The following LINS1 variants were observed in gnomAD, a reference collection of about 807,000 sequenced individuals.
The protein encoded by LINS1 is protein Lines homolog 1.
LINS1 carries 27 observed loss-of-function variants against 41.6 expected under a neutral mutation model. The observed-to-expected ratio is 0.65, with a 90% CI of 0.48 to 0.89. LINS1 has a LOEUF of 0.89. Among genes scored for constraint, LINS1 ranks in the 40% least tolerant of loss-of-function variants. The pLI, the probability that LINS1 is intolerant of heterozygous loss-of-function variation, is 0.00. For missense variants in LINS1, 955 were observed against 884.1 expected, an observed-to-expected ratio of 1.08 and a Z score of -1.02; for synonymous variants, 336 against 312.9, an observed-to-expected ratio of 1.07 and a Z score of -0.78.
chr15:100,570,131 T>C lies in LINS1; in HGVS notation c.1395-14A>G, dbSNP rs2037742519. ...GCTTCACATCCTCTGAAAATGAAGA[T>C]AATGGAGAATGCAGATTAATGACCT... is the stretch of plus-strand genomic sequence containing the variant. On this transcript the variant is annotated splice_polypyrimidine_tract_variant and intron_variant, in intron 6 of 6. Transcript: ENST00000314742. The C allele has an allele frequency of 1.3e-6, 2 of 1,577,760 alleles. No individual in the cohort carries two copies. The highest frequency in any genetic ancestry group is 2.2e-5 in the East Asian group (1 of 44,752).
chr15:100,575,044 A>G lies in LINS1; in HGVS notation c.574T>C (p.Trp192Arg). 3 of 1,613,050 alleles carry G rather than the reference A, an allele frequency of 1.9e-6. No homozygotes were observed. The highest frequency in any genetic ancestry group is 2.5e-6 in the Non-Finnish European group (3 of 1,179,548). ...SESNKAIYCL[W>R]TLTAIIKEIF... Reference sequence around the variant, plus strand: ...TCTTTTATTATTGCTGTAAGAGTCCAGAGGCAGTATATTGCTTTATTACTC... The same window carrying G: ...TCTTTTATTATTGCTGTAAGAGTCCGGAGGCAGTATATTGCTTTATTACTC... The change falls in exon 4 of 7, where the codon TGG becomes CGG. Residue 192 changes from tryptophan to arginine, a missense_variant. Physicochemically the swap from Trp to Arg is moderately radical, Grantham distance 101. Coordinates refer to ENST00000314742, the MANE Select transcript of LINS1 (RefSeq NM_001040616.3).
intron 5 of LINS1, 46 bp from the exon 6 acceptor site, chr15:100,572,111 G>C: frequency 6.2e-7 from 1 of 1,608,532 alleles, no homozygotes; most frequent in Non-Finnish European, 8.5e-7. Flanking sequence ...GTTTATGAAT[G>C]AATGAATATC....
chr15:100,588,128 G>A (rs2038889362), intron 1 of LINS1, among the ~76,000 whole-genome samples: 1 of 152,196 alleles, frequency 6.6e-6, no homozygotes, highest in African/African-American at 2.4e-5. Context: ...TAGTGAATCT[G>A]GTGTGCTCTG....
Position 100,580,612 on chromosome 15 carries a change from C to A in LINS1, c.231G>T (p.Lys77Asn). The A allele has an allele frequency of 6.2e-7, 1 of 1,613,980 alleles. No individual in the cohort carries two copies. The highest frequency in any genetic ancestry group is 8.5e-7 in the Non-Finnish European group (1 of 1,179,952). Residue 77 changes from lysine (K) to asparagine (N), a missense_variant, in exon 2 of 7, where the codon AAG becomes AAT. By Grantham distance (94) the Lys-to-Asn change is moderately conservative. Coordinates refer to ENST00000314742, the MANE Select transcript of LINS1 (RefSeq NM_001040616.3). ...TGGAACCGCTCATCTGAGAGTTGGT[C>A]TTCAAACACACAGGTGCTACAGCAA... ...APIAVAPVCL[K>N]TNSQMSGSRE...
chr15:100,574,641 G>A (rs2038050077), intron 4 of LINS1, among the ~76,000 whole-genome samples: 1 of 152,206 alleles, frequency 6.6e-6, no homozygotes, highest in African/African-American at 2.4e-5. Context: ...TCGCAAGGCA[G>A]GGGTTGCAGT....
intron 1 of LINS1, among the ~76,000 whole-genome samples, chr15:100,600,248 A>C (rs1363724095): frequency 6.6e-6 from 1 of 152,180 alleles, no homozygotes; most frequent in African/African-American, 2.4e-5. Flanking sequence ...GGTCATTTCA[A>C]AGTTAAACTT....
At chr15:100,581,613 G>A (rs537966215) in intron 1 of LINS1, among the ~76,000 whole-genome samples, 6 of 152,208 alleles carry the variant, frequency 3.9e-5, no homozygotes, top group Non-Finnish European at 8.8e-5. Context: ...AAAAACTTAG[G>A]ACTTTGGCAT....
In LINS1 at chr15:100,569,617, G is replaced by A. The variant is rs1157058256; in HGVS notation, c.1895C>T (p.Ser632Phe). 5 of 1,613,240 alleles carry A rather than the reference G, an allele frequency of 3.1e-6. No individual in the cohort carries two copies. The highest frequency in any genetic ancestry group is 4.2e-6 in the Non-Finnish European group (5 of 1,179,408). Residue 632 changes from serine (S) to phenylalanine (F), a missense_variant, in exon 7 of 7, where the codon TCT becomes TTT. Physicochemically the swap from Ser to Phe is radical, Grantham distance 155 (BLOSUM62 -2). Transcript: ENST00000314742. ...ASQSLVDYDS[S>F]DDSDVESTEQ... Reference sequence around the variant, plus strand: ...TGTGGATTCCACGTCAGAATCGTCAGAGCTGTCGTAATCTACCAGACTTTG... The same window carrying A: ...TGTGGATTCCACGTCAGAATCGTCAAAGCTGTCGTAATCTACCAGACTTTG...
At chr15:100,595,374 T>C (rs985732791) in intron 1 of LINS1, among the ~76,000 whole-genome samples, 2 of 151,176 alleles carry the variant, frequency 1.3e-5, no homozygotes, top group East Asian at 3.9e-4. Flanking sequence ...GGATCAGACA[T>C]GCACAGACAT....
chr15:100,581,525 A>G (rs887396071), intron 1 of LINS1, among the ~76,000 whole-genome samples: 4 of 152,252 alleles, frequency 2.6e-5, no homozygotes, highest in African/African-American at 7.2e-5. Flanking sequence ...GATTATGGCT[A>G]TTGCCAATGA....
Position 100,574,251 on chromosome 15 carries a change from T to A in LINS1, c.632-10A>T, listed in dbSNP as rs752944051. The A allele has an allele frequency of 7.9e-6, 12 of 1,515,932 alleles. No individual in the cohort carries two copies. Among genetic ancestry groups the A allele is most frequent in the Non-Finnish European group, 1.0e-5 (11 of 1,091,124 alleles). 93.9% of individuals were successfully genotyped at this position (1,515,932 alleles called of 1,614,324 possible). A position where few individuals can be genotyped will look rare whatever the true frequency, so the allele number is the denominator to read the frequency against. On this transcript the variant is annotated splice_polypyrimidine_tract_variant and intron_variant, in intron 4 of 6. Coordinates refer to ENST00000314742, the MANE Select transcript of LINS1 (RefSeq NM_001040616.3). ...AACTGCTTTAGAATTTCTGCAATTA[T>A]AAAAATAGGAATTATAAACAGGAAA...
intron 1 of LINS1, among the ~76,000 whole-genome samples, chr15:100,588,420 G>A (rs2038902701): frequency 6.6e-6 from 1 of 152,198 alleles, no homozygotes. Flanking sequence ...TTAATAATAA[G>A]AGCTTAAATC....
chr15:100,578,946 A>G (rs1051601826), intron 3 of LINS1, among the ~76,000 whole-genome samples: 1 of 152,022 alleles, frequency 6.6e-6, no homozygotes, highest in Non-Finnish European at 1.5e-5. Context: ...AACACCGCAT[A>G]TTCTCACTCA....
intron 1 of LINS1, among the ~76,000 whole-genome samples, chr15:100,587,159 A>G (rs2038841031): frequency 1.8e-5 from 1 of 54,948 alleles, no homozygotes; most frequent in Admixed American, 2.3e-4. Flanking sequence ...CTCTGTCTTA[A>G]AAAAAAAAAA....
At chr15:100,583,839 C>A (rs2038679043) in intron 1 of LINS1, among the ~76,000 whole-genome samples, 1 of 152,186 alleles carries the variant, frequency 6.6e-6, no homozygotes, top group Non-Finnish European at 1.5e-5. Flanking sequence ...AGAAATTAGT[C>A]TTCATGTTCC....
chr15:100,580,241 A>C, intron 3 of LINS1, 22 bp downstream of exon 3: 1 of 1,503,360 alleles, frequency 6.7e-7, no homozygotes, highest in Non-Finnish European at 9.2e-7. Context: ...AAATAATAAC[A>C]TACTTTGATT....
At chr15:100,598,075 A>T (rs1318409293) in intron 1 of LINS1, among the ~76,000 whole-genome samples, 2 of 152,092 alleles carry the variant, frequency 1.3e-5, no homozygotes, top group East Asian at 3.9e-4. Context: ...CTTAAATATG[A>T]CTTTCTTTGG....
intron 1 of LINS1, among the ~76,000 whole-genome samples, chr15:100,585,496 T>C (rs1468830085): frequency 6.6e-6 from 1 of 152,104 alleles, no homozygotes; most frequent in Non-Finnish European, 1.5e-5. Context: ...TCCTTTGGAG[T>C]CTGGGGAGGT....
rs2037631641 is a variant in LINS1, at chr15:100,568,422, T to C, written c.*816A>G. Reference sequence around the variant, plus strand: ...GTCCTAGTCCAATGACCGATGTCCTTGTAGGAGGGAAACTGGACACAGACA... The same window carrying C: ...GTCCTAGTCCAATGACCGATGTCCTCGTAGGAGGGAAACTGGACACAGACA... On this transcript the variant is annotated 3_prime_UTR_variant, in exon 7 of 7. Coordinates refer to ENST00000314742, the MANE Select transcript of LINS1 (RefSeq NM_001040616.3). The C allele has an allele frequency of 6.6e-6, 1 of 152,192 alleles. No individual in the cohort carries two copies. Among genetic ancestry groups the C allele is most frequent in the African/African-American group, 2.4e-5 (1 of 41,432 alleles). 9.4% of individuals were successfully genotyped at this position (152,192 alleles called of 1,614,324 possible).
Sources: allele counts gnomAD v4.1 joint callset (sites outside exome capture counted in the v4.1 genomes callset), GRCh38; gene constraint gnomAD v4.1.1; transcripts MANE v1.5; gene names NCBI Gene and HGNC (gene_info 2026-07-23, HGNC 2026-07-21).